The following NHSL1 variants were observed in gnomAD, a reference collection of about 807,000 sequenced individuals.
NHSL1 encodes the protein NHS like 1.
A neutral mutation model predicts 95.0 loss-of-function variants in NHSL1; 48 were observed. That is an observed-to-expected ratio of 0.51 (90% CI 0.40 to 0.64). The LOEUF is 0.64. Among genes scored for constraint, NHSL1 ranks in the 30% least tolerant of loss-of-function variants. The pLI, the probability that NHSL1 is intolerant of heterozygous loss-of-function variation, is 0.00. For missense variants in NHSL1, 1,971 were observed against 2,077.7 expected (o/e 0.95, Z 1.00); for synonymous variants, 783 against 833.9 (o/e 0.94, Z 1.05).
chr6:138,581,893 CTT>C (rs1373997855), intron 1 of NHSL1, among the ~76,000 whole-genome samples: 6 of 128,214 alleles, frequency 4.7e-5, no homozygotes, highest in Admixed American at 2.2e-4. Context: ...TCTACTTTTT[CTT>C]TCTTTTTTTT....
intron 4 of NHSL1, among the ~76,000 whole-genome samples, chr6:138,443,046 CATATAT>C (rs921787135): frequency 7.5e-5 from 11 of 147,126 alleles, no homozygotes; most frequent in African/African-American, 2.7e-4. Flanking sequence ...CATATATATA[CATATAT>C]ACACACACAC....
At chr6:138,571,859 G>T in exon 1 of NHSL1, 1 of 1,551,802 alleles carries the variant, frequency 6.4e-7, no homozygotes, top group Non-Finnish European at 8.7e-7. Flanking sequence ...ACGTGAGAGA[G>T]AACCTGTATT....
In NHSL1 at chr6:138,499,367, G is replaced by A. The variant is rs192655505; in HGVS notation, c.-77C>T. On this transcript the variant is annotated 5_prime_UTR_variant, in exon 1 of 8. In the 5' UTR this introduces an upstream ATG that the reference lacks. Coordinates refer to ENST00000343505, the MANE Select transcript of NHSL1 (RefSeq NM_001144060.2). ...GCCCAGTAGGCAGGTGGCAAGCTTC[G>A]TCCTTCTGCTACAGATTCTAACTTT... 24 of 1,532,780 alleles carry A rather than the reference G, an allele frequency of 1.6e-5. No homozygotes were observed. In the African/African-American group the frequency reaches 2.4e-4, roughly 15 times the overall value. 94.9% of individuals were successfully genotyped at this position (1,532,780 alleles called of 1,614,324 possible). A position where few individuals can be genotyped will look rare whatever the true frequency, so the allele number is the denominator to read the frequency against.
chr6:138,459,957 A>C (rs953408874), intron 3 of NHSL1, among the ~76,000 whole-genome samples: 1 of 152,162 alleles, frequency 6.6e-6, no homozygotes, highest in African/African-American at 2.4e-5. Context: ...TACGTTTCCT[A>C]ATGTGTTATT....
At chr6:138,640,070 G>A (rs1032539928) in intron 1 of NHSL1, among the ~76,000 whole-genome samples, 4 of 151,836 alleles carry the variant, frequency 2.6e-5, no homozygotes, top group East Asian at 3.9e-4. Context: ...TTGGTAAAGC[G>A]CTGCACATTT....
In NHSL1 at chr6:138,692,179, A is replaced by AACAGACAGAC; in HGVS notation, c.96+287_96+296dup. ...GTCTACAGCGCCCCGGGGTCTCCCAAACAGACAGACACAGACAGACAGAAG... is the reference window on the plus strand; with the variant it reads ...GTCTACAGCGCCCCGGGGTCTCCCAAACAGACAGACACAGACAGACACAGACAGACAGAAG... On this transcript the variant is annotated intron_variant, in intron 1 of 3. Transcript: ENST00000491526. This position sits in a 1 kb window ranked among gnomAD's most constrained non-coding sequence, Gnocchi z 4.0. The AACAGACAGAC allele has an allele frequency of 2.2e-6, 1 of 456,698 alleles. No individual in the cohort carries two copies. Among genetic ancestry groups the AACAGACAGAC allele is most frequent in the African/African-American group, 2.0e-5 (1 of 50,198 alleles). The allele number at this position is 456,698 out of a possible 1,614,324, so 28.3% of individuals were successfully genotyped here.
intron 1 of NHSL1, among the ~76,000 whole-genome samples, chr6:138,571,038 AT>A (rs1783822101): frequency 6.6e-6 from 1 of 152,034 alleles, no homozygotes; most frequent in South Asian, 2.1e-4. Context: ...CAGGACTGGT[AT>A]TTTTTTTCAT....
intron 2 of NHSL1, among the ~76,000 whole-genome samples, chr6:138,490,448 T>C (rs1780006097): frequency 6.6e-6 from 1 of 152,066 alleles, no homozygotes; most frequent in Non-Finnish European, 1.5e-5. Flanking sequence ...AGCACCCTCA[T>C]CAAATTCAGA....
chr6:138,570,332 T>C (rs1783792717), intron 1 of NHSL1, among the ~76,000 whole-genome samples: 1 of 152,232 alleles, frequency 6.6e-6, no homozygotes, highest in African/African-American at 2.4e-5. Context: ...ACATTTTTGT[T>C]TCAAACATTA....
chr6:138,501,030 C>T (rs959276348), upstream of NHSL1, among the ~76,000 whole-genome samples: 18 of 152,216 alleles, frequency 1.2e-4, no homozygotes, highest in African/African-American at 4.1e-4. Flanking sequence ...CAAGAGTGAC[C>T]TCGCTCTGCT....
At chr6:138,568,907 CTTTAT>C (rs1783716922) in intron 1 of NHSL1, among the ~76,000 whole-genome samples, 1 of 152,274 alleles carries the variant, frequency 6.6e-6, no homozygotes, top group Admixed American at 6.5e-5. Flanking sequence ...CACTTAAAAA[CTTTAT>C]TTTGATGTTC....
At chr6:138,634,951 T>G (rs1292567307) in intron 1 of NHSL1, among the ~76,000 whole-genome samples, 2 of 151,446 alleles carry the variant, frequency 1.3e-5, no homozygotes, top group Admixed American at 1.3e-4. Flanking sequence ...AGTGGGTCAA[T>G]GAAGCAATTA....
At chr6:138,682,685 C>T (rs891136830) in intron 1 of NHSL1, among the ~76,000 whole-genome samples, 3 of 152,166 alleles carry the variant, frequency 2.0e-5, no homozygotes, top group African/African-American at 7.2e-5. Flanking sequence ...AACAAGATGC[C>T]TCACACACGG....
At chr6:138,619,191 A>T (rs908623582) in intron 1 of NHSL1, among the ~76,000 whole-genome samples, 3 of 152,080 alleles carry the variant, frequency 2.0e-5, no homozygotes, top group African/African-American at 7.2e-5. Flanking sequence ...CACAAAAATT[A>T]TCCGGGCATG....
intron 1 of NHSL1, among the ~76,000 whole-genome samples, chr6:138,610,339 A>G (rs1399960416): frequency 6.6e-6 from 1 of 152,024 alleles, no homozygotes; most frequent in African/African-American, 2.4e-5. Flanking sequence ...GAATTGAACA[A>G]TGAGAACACT....
rs538499339 is a variant in NHSL1, at chr6:138,584,176, G to A, written c.97-87805C>T. Reference sequence around the variant, plus strand: ...CCTTCCACTGACTCTGCAACTAAAGGAACCATAGACTTGGTATCTCTTATA... The same window carrying A: ...CCTTCCACTGACTCTGCAACTAAAGAAACCATAGACTTGGTATCTCTTATA... On this transcript the variant is annotated intron_variant, in intron 1 of 3. Coordinates refer to the NHSL1 transcript ENST00000491526. Among the ~76,000 whole-genome samples the A allele has an allele frequency of 1.2e-4, 19 of 152,166 alleles. No individual in the cohort carries two copies. In the South Asian group the frequency reaches 3.7e-3, roughly 30 times the overall value.
intron 1 of NHSL1, among the ~76,000 whole-genome samples, chr6:138,509,175 C>A (rs774904519): frequency 2.6e-5 from 4 of 152,138 alleles, no homozygotes; most frequent in Non-Finnish European, 4.4e-5. Flanking sequence ...AATTTATTTC[C>A]TGTGCTATTT....
intron 1 of NHSL1, among the ~76,000 whole-genome samples, chr6:138,643,626 GC>G (rs770386666): frequency 1.2e-4 from 18 of 152,276 alleles, no homozygotes; most frequent in South Asian, 6.2e-4. Flanking sequence ...CAAATAGTAT[GC>G]TTTTAATAAA....
chr6:138,468,906 C>T (rs1293689665), intron 3 of NHSL1, among the ~76,000 whole-genome samples: 2 of 152,216 alleles, frequency 1.3e-5, no homozygotes, highest in African/African-American at 4.8e-5. Flanking sequence ...ACAGAGATTT[C>T]TTGCATTTGC....
Sources: allele counts gnomAD v4.1 joint callset (sites outside exome capture counted in the v4.1 genomes callset), GRCh38; gene constraint gnomAD v4.1.1; non-coding constraint Gnocchi (gnomAD v3.1); transcripts MANE v1.5; gene names NCBI Gene and HGNC (gene_info 2026-07-23, HGNC 2026-07-21).